The following HPSE2 variants were observed in gnomAD, a reference collection of about 807,000 sequenced individuals.
HPSE2 encodes the protein inactive heparanase-2.
A neutral mutation model predicts 60.5 loss-of-function variants in HPSE2; 38 were observed. The observed-to-expected ratio is 0.63, with a 90% confidence interval of 0.48 to 0.82. The LOEUF is 0.82. Among genes scored for constraint, HPSE2 ranks in the 40% least tolerant of loss-of-function variants. HPSE2 has a pLI of 0.00. For missense variants in HPSE2, 713 were observed against 740.4 expected (o/e 0.96, Z 0.43); for synonymous variants, 295 against 293.2 (o/e 1.01, Z -0.06).
intron 2 of HPSE2, among the ~76,000 whole-genome samples, chr10:99,212,935 G>C (rs1290557933): frequency 2.6e-5 from 4 of 152,070 alleles, no homozygotes; most frequent in Non-Finnish European, 5.9e-5. Flanking sequence ...CCTTGCAGAG[G>C]GTAGGTGCTC....
At chr10:98,552,197 A>G (rs1423174364) in intron 9 of HPSE2, among the ~76,000 whole-genome samples, 2 of 152,184 alleles carry the variant, frequency 1.3e-5, no homozygotes, top group East Asian at 3.8e-4. Flanking sequence ...TAGATAATGC[A>G]GGATATTTAA....
intron 3 of HPSE2, among the ~76,000 whole-genome samples, chr10:99,135,406 T>C (rs961662176): frequency 6.6e-6 from 1 of 152,208 alleles, no homozygotes; most frequent in Admixed American, 6.5e-5. Flanking sequence ...AGAATATACA[T>C]CATTCTCAGC....
intron 9 of HPSE2, among the ~76,000 whole-genome samples, chr10:98,557,228 AT>A (rs1354114055): frequency 2.0e-5 from 3 of 152,102 alleles, no homozygotes; most frequent in Admixed American, 2.0e-4. Context: ...GAAAAAAAAA[AT>A]TAAGCTATAG....
chr10:99,212,070 T>C (rs965105202), intron 2 of HPSE2, among the ~76,000 whole-genome samples: 2 of 152,098 alleles, frequency 1.3e-5, no homozygotes, highest in Admixed American at 6.5e-5. Flanking sequence ...AAAAAGTATA[T>C]GGAAAAATGT....
intron 3 of HPSE2, among the ~76,000 whole-genome samples, chr10:99,138,939 T>A (rs1480750918): frequency 6.6e-6 from 1 of 152,140 alleles, no homozygotes; most frequent in Non-Finnish European, 1.5e-5. Flanking sequence ...CTACTGGGTA[T>A]CTACCTAAAG....
chr10:99,132,617 G>A (rs988136871), intron 3 of HPSE2, among the ~76,000 whole-genome samples: 12 of 152,022 alleles, frequency 7.9e-5, no homozygotes, highest in Non-Finnish European at 1.6e-4. Flanking sequence ...GTGGGGTGTC[G>A]CCTCACCCAG....
Position 99,144,264 on chromosome 10 carries a change from T to C in HPSE2, c.584A>G (p.Asn195Ser), listed in dbSNP as rs763750300. ...HLVLLKEQFS[N>S]TYSNLILTAR... ...TGTTAATATGAGATTACTGTAAGTA[T>C]TGGAGAATTGCTCCTTTAGAAGAAC... is the stretch of plus-strand genomic sequence containing the variant. Residue 195 changes from asparagine (N) to serine (S), a missense_variant, in exon 3 of 12, where the codon AAT (asparagine) becomes AGT (serine). Transcript: ENST00000370552. The C allele has an allele frequency of 3.1e-6, 5 of 1,614,064 alleles. No individual in the cohort carries two copies. Among genetic ancestry groups the C allele is most frequent in the South Asian group, 1.1e-5 (1 of 91,084 alleles).
intron 3 of HPSE2, among the ~76,000 whole-genome samples, chr10:98,777,882 TTTAAA>T (rs574108815): frequency 1.4e-3 from 220 of 152,176 alleles, no homozygotes; most frequent in Non-Finnish European, 2.8e-3. Context: ...TTGATGGTAG[TTTAAA>T]TTAAGGGAAA....
At chr10:98,465,572 C>T (rs1940492586) in intron 11 of HPSE2, among the ~76,000 whole-genome samples, 2 of 152,206 alleles carry the variant, frequency 1.3e-5, no homozygotes, top group South Asian at 4.1e-4. Context: ...TGGGCAAGGT[C>T]ATGTGGCTAA....
At chr10:98,589,463 T>A (rs1003063612) in intron 9 of HPSE2, among the ~76,000 whole-genome samples, 2 of 152,222 alleles carry the variant, frequency 1.3e-5, no homozygotes, top group African/African-American at 4.8e-5. Context: ...TGAGACTTCA[T>A]GCTTCCAATC....
Position 99,159,141 on chromosome 10 carries a change from C to CA in HPSE2, c.449-14743dup, listed in dbSNP as rs763483948. 3.5e-4 allele frequency among the ~76,000 whole-genome samples: 52 copies of CA among 146,688 alleles called. No homozygotes were observed. The East Asian group carries it at 8.9e-3, about 25-fold the overall frequency. On this transcript the variant is annotated intron_variant, in intron 2 of 11. Coordinates refer to ENST00000370552, the MANE Select transcript of HPSE2 (RefSeq NM_021828.5). The stretch of plus-strand genomic sequence containing the variant: ...AAGAAAATTTTAAACACGAAGCAAG[C>CA]AAAAAAAAGAAAAAAAGGATCAGAA...
chr10:98,588,884 G>GA (rs1449209794), intron 9 of HPSE2, among the ~76,000 whole-genome samples: 1 of 152,044 alleles, frequency 6.6e-6, no homozygotes, highest in African/African-American at 2.4e-5. Context: ...AAAAAAAGGA[G>GA]AAAGAGTTCA....
At chr10:98,610,322 A>G (rs1945717989) in intron 9 of HPSE2, among the ~76,000 whole-genome samples, 1 of 152,178 alleles carries the variant, frequency 6.6e-6, no homozygotes, top group African/African-American at 2.4e-5. Flanking sequence ...ATCTTGTCCT[A>G]GGATCTTGTG....
chr10:99,311,461 T>G, the HPSE2 span, among the ~76,000 whole-genome samples: 18 of 152,358 alleles, frequency 1.2e-4, no homozygotes, highest in Non-Finnish European at 2.9e-5. Flanking sequence ...ATGATTATTA[T>G]GTTTGTTATG....
intron 3 of HPSE2, among the ~76,000 whole-genome samples, chr10:98,822,487 G>A (rs1016327058): frequency 1.5e-4 from 23 of 152,090 alleles, no homozygotes; most frequent in African/African-American, 3.1e-4. Context: ...TACTAAGCAC[G>A]AATTTTAAAA....
chr10:98,741,498 T>C (rs1354343662), intron 4 of HPSE2, among the ~76,000 whole-genome samples: 1 of 152,038 alleles, frequency 6.6e-6, no homozygotes. Context: ...GGAACAGATA[T>C]ATACAGAAAG....
chr10:99,268,712 T>C, the HPSE2 span, among the ~76,000 whole-genome samples: 3 of 151,388 alleles, frequency 2.0e-5, no homozygotes, highest in East Asian at 5.8e-4. Context: ...AATAAATTGA[T>C]TAATTAATTA....
chr10:98,459,556 C>T lies in HPSE2; in HGVS notation c.*18G>A. 1.2e-6 allele frequency: 2 copies of T among 1,613,874 alleles called. No homozygotes were observed. The highest frequency in any genetic ancestry group is 1.1e-5 in the South Asian group (1 of 91,048). On this transcript the variant is annotated 3_prime_UTR_variant, in exon 12 of 12. Transcript: ENST00000370552. ...GCAGCCCAGCAGGCCCACTGGTAGC[C>T]GTGAGTGTGAGGATAGCTTATCGGT...
At chr10:98,724,134 G>C (rs779158171) in intron 4 of HPSE2, among the ~76,000 whole-genome samples, 2 of 150,092 alleles carry the variant, frequency 1.3e-5, no homozygotes, top group Non-Finnish European at 3.0e-5. Context: ...ACACTGCTTT[G>C]AATGTGTCCC....
Sources: allele counts gnomAD v4.1 joint callset (sites outside exome capture counted in the v4.1 genomes callset), GRCh38; gene constraint gnomAD v4.1.1; transcripts MANE v1.5; gene names NCBI Gene and HGNC (gene_info 2026-07-23, HGNC 2026-07-21).